SMAD2: variants seen among roughly 807,000 people sequenced by gnomAD.
The protein encoded by SMAD2 is MAD homolog 2.
A neutral mutation model predicts 64.4 loss-of-function variants in SMAD2; 8 were observed. The ratio of observed to expected loss-of-function variants is 0.12; its 90% CI spans 0.07 to 0.22. The LOEUF is 0.22. Among genes scored for constraint, SMAD2 ranks in the 10% least tolerant of loss-of-function variants. SMAD2 has a pLI of 1.00. For synonymous variants in SMAD2, 203 were observed against 195.8 expected (o/e 1.04, Z -0.31); for missense variants, 289 against 561.2 (o/e 0.51, Z 4.90).
chr18:47,819,486 T>A lies in SMAD2; in HGVS notation c.*22341A>T, dbSNP rs1208272625. ...ACTAGCTATGTCTAATATCTCAGTT[T>A]TTATAAGTAATCTAGGAATAATTGT... On this transcript the variant is annotated 3_prime_UTR_variant, in exon 11 of 11. Coordinates refer to ENST00000262160, the MANE Select transcript of SMAD2 (RefSeq NM_005901.6). 6.6e-6 allele frequency: 1 copy of A among 152,180 alleles called. No homozygotes were observed. The highest frequency in any genetic ancestry group is 1.5e-5 in the Non-Finnish European group (1 of 68,024). The allele number at this position is 152,180 out of a possible 1,614,324, so 9.4% of individuals were successfully genotyped here.
At chr18:47,849,313 G>T (rs186750575) in intron 7 of SMAD2, among the ~76,000 whole-genome samples, 2 of 151,882 alleles carry the variant, frequency 1.3e-5, no homozygotes, top group African/African-American at 4.8e-5. Context: ...TATTTCACTG[G>T]AAAACTATAT....
rs1308749265 is a variant in SMAD2 at position 47,824,877 on chromosome 18, C to A, written c.*16950G>T. The A allele has an allele frequency of 6.6e-6, 1 of 152,164 alleles. No individual in the cohort carries two copies. The highest frequency in any genetic ancestry group is 1.5e-5 in the Non-Finnish European group (1 of 68,032). The allele number at this position is 152,164 out of a possible 1,614,324, so 9.4% of individuals were successfully genotyped here. A position where few individuals can be genotyped will look rare whatever the true frequency, so the allele number is the denominator to read the frequency against. On this transcript the variant is annotated 3_prime_UTR_variant, in exon 11 of 11. Transcript: ENST00000262160. ...ATGCCCATTATGGCTTGCTGACTGGCTTACTGCATTTTAGATTTTCCTTAT... is the reference window on the plus strand; with the variant it reads ...ATGCCCATTATGGCTTGCTGACTGGATTACTGCATTTTAGATTTTCCTTAT...
In SMAD2 at chr18:47,811,946, G is replaced by C. The variant is rs1022157394; in HGVS notation, c.*29881C>G. ...ATAAAAAGGAAATGTTTGGGAAAAA[G>C]TGATTTTAGCCTCTGACCTCAAGGT... On this transcript the variant is annotated 3_prime_UTR_variant, in exon 11 of 11. Coordinates refer to ENST00000262160, the MANE Select transcript of SMAD2 (RefSeq NM_005901.6). The C allele has an allele frequency of 6.6e-6, 1 of 152,210 alleles. No homozygotes were observed. Among genetic ancestry groups the C allele is most frequent in the Non-Finnish European group, 1.5e-5 (1 of 68,056 alleles). The allele number at this position is 152,210 out of a possible 1,614,324, so 9.4% of individuals were successfully genotyped here.
In SMAD2 at chr18:47,851,196, T is replaced by A. The variant is rs900385741; in HGVS notation, c.784+78A>T. ...ATCCCTTTCTCGGATATATAAAAAA[T>A]AACTCCTAGAGATGATTTTTATTAT... On this transcript the variant is annotated intron_variant, in intron 7 of 10. Transcript: ENST00000262160. The A allele has an allele frequency of 1.6e-5, 16 of 1,016,812 alleles. No homozygotes were observed. The Admixed American group carries it at 2.8e-4, about 18-fold the overall frequency. The allele number at this position is 1,016,812 out of a possible 1,614,324, so 63.0% of individuals were successfully genotyped here.
At chr18:47,848,406 C>T (rs1183262367) in intron 8 of SMAD2, 69 bp downstream of exon 8, 4 of 1,188,906 alleles carry the variant, frequency 3.4e-6, no homozygotes, top group Non-Finnish European at 5.0e-6. Flanking sequence ...CTTGATGTGG[C>T]ACACCATGCA....
In SMAD2 at chr18:47,902,023, G is replaced by C. The variant is rs534353332; in HGVS notation, c.-53-5214C>G. ...TCTTTATCTCAACACCATAGGACTA[G>C]AAAATATCCCAATCTCCTTTTCTGA... On this transcript the variant is annotated intron_variant, in intron 1 of 10. Transcript: ENST00000262160. Among the ~76,000 whole-genome samples the C allele has an allele frequency of 1.2e-4, 18 of 152,216 alleles. 1 individual carries two copies. The South Asian group carries it at 3.7e-3, about 32-fold the overall frequency.
Position 47,811,212 on chromosome 18 carries a change from C to A in SMAD2, c.*30615G>T. 1 of 152,510 alleles carries A rather than the reference C, an allele frequency of 6.6e-6. No homozygotes were observed. Among genetic ancestry groups the A allele is most frequent in the Non-Finnish European group, 1.5e-5 (1 of 68,220 alleles). The allele number at this position is 152,510 out of a possible 1,614,324, so 9.4% of individuals were successfully genotyped here. On this transcript the variant is annotated 3_prime_UTR_variant, in exon 11 of 11. Transcript: ENST00000262160. The stretch of plus-strand genomic sequence containing the variant: ...GCTGGCTGGGCACGGTGGCTCACGC[C>A]TGTAATCCCAGCACTTTGGGAGGCT...
intron 3 of SMAD2, 118 bp from the exon 4 acceptor site, chr18:47,869,554 A>T: frequency 1.4e-6 from 1 of 735,416 alleles, no homozygotes; most frequent in Non-Finnish European, 2.3e-6. Context: ...ACAGCCATTT[A>T]GTTAGTTTTA....
At position 47,820,086 on chromosome 18, in the gene SMAD2, A is replaced by G. The variant is rs1420630354; in HGVS notation, c.*21741T>C. The G allele has an allele frequency of 6.6e-6, 1 of 152,218 alleles. No individual in the cohort carries two copies. Among genetic ancestry groups the G allele is most frequent in the East Asian group, 1.9e-4 (1 of 5,202 alleles). 9.4% of individuals were successfully genotyped at this position (152,218 alleles called of 1,614,324 possible). The stretch of plus-strand genomic sequence containing the variant: ...TTTCATGTAATTTGAAATCTTATAA[A>G]TTAATCTTCAGTAAATGTCTGGATC... On this transcript the variant is annotated 3_prime_UTR_variant, in exon 11 of 11. Transcript: ENST00000262160.
At chr18:47,852,353 T>C (rs2030191681) in intron 6 of SMAD2, among the ~76,000 whole-genome samples, 2 of 152,304 alleles carry the variant, frequency 1.3e-5, no homozygotes, top group African/African-American at 2.4e-5. Context: ...GTGATGACGG[T>C]GGATATCTTA....
At chr18:47,850,890 C>T (rs2029991450) in intron 7 of SMAD2, among the ~76,000 whole-genome samples, 1 of 76,770 alleles carries the variant, frequency 1.3e-5, no homozygotes, top group Admixed American at 2.2e-4. Flanking sequence ...ATATAAATCC[C>T]CATACTACGT....
At chr18:47,905,918 C>G (rs978537172) in intron 1 of SMAD2, among the ~76,000 whole-genome samples, 3 of 151,978 alleles carry the variant, frequency 2.0e-5, no homozygotes, top group African/African-American at 7.3e-5. Context: ...TCAAGACCAG[C>G]CTGGACAGCA....
rs991853085 is a variant in SMAD2, at chr18:47,814,322, T to C, written c.*27505A>G. On this transcript the variant is annotated 3_prime_UTR_variant, in exon 11 of 11. Transcript: ENST00000262160. ...TGCCTTTATTATCTTGATTATTCTT[T>C]GGCATCTCTAGGAAGATGATAAGTA... The C allele has an allele frequency of 8.5e-5, 13 of 152,208 alleles. No homozygotes were observed. Among genetic ancestry groups the C allele is most frequent in the African/African-American group, 1.2e-4 (5 of 41,460 alleles). The allele number at this position is 152,208 out of a possible 1,614,324, so 9.4% of individuals were successfully genotyped here. A position where few individuals can be genotyped will look rare whatever the true frequency, so the allele number is the denominator to read the frequency against.
At chr18:47,891,425 A>C (rs540257807) in intron 2 of SMAD2, among the ~76,000 whole-genome samples, 2 of 152,310 alleles carry the variant, frequency 1.3e-5, no homozygotes, top group South Asian at 4.1e-4. Context: ...TGGGTGATGA[A>C]AAAACAGGGG....
intron 6 of SMAD2, among the ~76,000 whole-genome samples, chr18:47,863,857 C>T (rs935939612): frequency 6.6e-6 from 1 of 152,112 alleles, no homozygotes; most frequent in Non-Finnish European, 1.5e-5. Context: ...GAACAGGAAA[C>T]TTTTCCAAAG....
chr18:47,912,007 A>G (rs2034156457), intron 1 of SMAD2, among the ~76,000 whole-genome samples: 1 of 152,218 alleles, frequency 6.6e-6, no homozygotes, highest in South Asian at 2.1e-4. Context: ...ACACAGTCTT[A>G]TCCTAGCACA....
Position 47,829,972 on chromosome 18 carries a change from G to C in SMAD2, c.*11855C>G, listed in dbSNP as rs1396541424. 1.3e-5 allele frequency: 2 copies of C among 152,160 alleles called. No individual in the cohort carries two copies. Among genetic ancestry groups the C allele is most frequent in the Non-Finnish European group, 2.9e-5 (2 of 68,034 alleles). 9.4% of individuals were successfully genotyped at this position (152,160 alleles called of 1,614,324 possible). Reference sequence around the variant, plus strand: ...CTACAAGTCTAAGTAACTTGCAGCAGCAAATTCCCCCACTGACAACTTCAA... The same window carrying C: ...CTACAAGTCTAAGTAACTTGCAGCACCAAATTCCCCCACTGACAACTTCAA... On this transcript the variant is annotated 3_prime_UTR_variant, in exon 11 of 11. Transcript: ENST00000262160.
chr18:47,872,958 C>T (rs2032033674), intron 2 of SMAD2, among the ~76,000 whole-genome samples: 1 of 152,044 alleles, frequency 6.6e-6, no homozygotes, highest in South Asian at 2.1e-4. Flanking sequence ...ACCTCCCAGC[C>T]TCAAGTAGTT....
At position 47,817,210 on chromosome 18, in the gene SMAD2, T is replaced by C. The variant is rs1274687329; in HGVS notation, c.*24617A>G. The C allele has an allele frequency of 6.6e-6, 1 of 152,234 alleles. No individual in the cohort carries two copies. Among genetic ancestry groups the C allele is most frequent in the Non-Finnish European group, 1.5e-5 (1 of 68,046 alleles). The allele number at this position is 152,234 out of a possible 1,614,324, so 9.4% of individuals were successfully genotyped here. A position where few individuals can be genotyped will look rare whatever the true frequency, so the allele number is the denominator to read the frequency against. ...AGAAGTGGTGATCTCAGAATCAGTA[T>C]GCAGTACTCACAGGAGCCCTTTGGG... On this transcript the variant is annotated 3_prime_UTR_variant, in exon 11 of 11. Transcript: ENST00000262160.
Sources: allele counts gnomAD v4.1 joint callset (sites outside exome capture counted in the v4.1 genomes callset), GRCh38; gene constraint gnomAD v4.1.1; transcripts MANE v1.5; gene names NCBI Gene and HGNC (gene_info 2026-07-23, HGNC 2026-07-21).